The following ZBP1 variants were observed in gnomAD, a reference collection of about 807,000 sequenced individuals.
The protein encoded by ZBP1 is Z-DNA-binding protein 1.
A neutral mutation model predicts 41.1 loss-of-function variants in ZBP1; 42 were observed. The ratio of observed to expected loss-of-function variants is 1.02; its 90% CI spans 0.80 to 1.32. ZBP1 has a LOEUF of 1.32. ZBP1 is among the 40% of genes most tolerant of loss of function. ZBP1 has a pLI of 0.00. For synonymous variants in ZBP1, 214 were observed against 205.2 expected, an observed-to-expected ratio of 1.04 and a Z score of -0.37; for missense variants, 562 against 549.7, an observed-to-expected ratio of 1.02 and a Z score of -0.22.
At chr20:57,606,567 G>T (rs949109864) in intron 7 of ZBP1, among the ~76,000 whole-genome samples, 6 of 152,204 alleles carry the variant, frequency 3.9e-5, no homozygotes, top group Admixed American at 6.5e-5. Context: ...TTCATAACTC[G>T]AAAGGAGATG....
intron 5 of ZBP1, 115 bp from the exon 6 acceptor site, chr20:57,612,045 G>A (rs759479940): frequency 8.6e-5 from 100 of 1,163,648 alleles, no homozygotes; most frequent in South Asian, 7.6e-5. Flanking sequence ...TCGAACTGGC[G>A]GCCAAAGACT....
intron 2 of ZBP1, 163 bp from the exon 3 acceptor site, chr20:57,615,743 T>G: frequency 1.7e-6 from 1 of 593,924 alleles, no homozygotes; most frequent in Non-Finnish European, 2.9e-6. Flanking sequence ...GCCTGCGCCC[T>G]GGCAGCTGCG....
At position 57,613,253 on chromosome 20, in the gene ZBP1, G is replaced by A. The variant is rs956669713; in HGVS notation, c.580C>T (p.Pro194Ser). 3.1e-6 allele frequency: 5 copies of A among 1,614,140 alleles called. No individual in the cohort carries two copies. In the Admixed American group the frequency reaches 8.3e-5, roughly 27 times the overall value. ...TTTGCAATGGAAATCCAGCTGTTGG[G>A]TCCATTCTGGCAGATCATGTTGATT... Reference protein sequence around the residue: ...NPINMICQNGPNSWISIANSE... With the variant: ...NPINMICQNGSNSWISIANSE... Residue 194 changes from proline (P) to serine (S), a missense_variant, in exon 5 of 8, where the codon CCC becomes TCC. Transcript: ENST00000371173. The surrounding 1 kb of genome is among the most constrained non-coding windows in gnomAD (Gnocchi z 4.5).
chr20:57,610,471 G>A lies in ZBP1; in HGVS notation c.875-104C>T, dbSNP rs377135557. On this transcript the variant is annotated intron_variant, in intron 6 of 7. Coordinates refer to ENST00000371173, the MANE Select transcript of ZBP1 (RefSeq NM_030776.3). The surrounding 1 kb of genome is among the most constrained non-coding windows in gnomAD (Gnocchi z 5.5). The stretch of plus-strand genomic sequence containing the variant: ...ACCCTCCTCCCCAGATCTCCCACCA[G>A]TGGCCCACACCATCCCAGGAGCACA... 2 of 1,232,836 alleles carry A rather than the reference G, an allele frequency of 1.6e-6. No individual in the cohort carries two copies. Among genetic ancestry groups the A allele is most frequent in the African/African-American group, 1.5e-5 (1 of 67,140 alleles). The allele number at this position is 1,232,836 out of a possible 1,614,324, so 76.4% of individuals were successfully genotyped here. A position where few individuals can be genotyped will look rare whatever the true frequency, so the allele number is the denominator to read the frequency against.
chr20:57,619,962 G>A (rs945894823), intron 1 of ZBP1, among the ~76,000 whole-genome samples: 1 of 151,820 alleles, frequency 6.6e-6, no homozygotes, highest in African/African-American at 2.4e-5. Flanking sequence ...TCAGCATCCC[G>A]AGTAGCTGGG....
intron 4 of ZBP1, among the ~76,000 whole-genome samples, 176 bp downstream of exon 4, chr20:57,614,711 G>A (rs1230915586): frequency 6.6e-6 from 1 of 152,198 alleles, no homozygotes; most frequent in Non-Finnish European, 1.5e-5. Flanking sequence ...GCTGTCCCTG[G>A]TTAATCTTGC....
intron 7 of ZBP1, chr20:57,607,385 A>G: frequency 8.3e-7 from 1 of 1,209,300 alleles, no homozygotes; most frequent in Non-Finnish European, 1.1e-6. Flanking sequence ...TCTCATGAGA[A>G]AGCTTGAACA....
intron 5 of ZBP1, among the ~76,000 whole-genome samples, chr20:57,612,617 C>T (rs577250740): frequency 6.6e-6 from 1 of 152,310 alleles, no homozygotes; most frequent in East Asian, 1.9e-4. Context: ...GGCTCTGTCC[C>T]CTCTTGCCAC....
In ZBP1 at chr20:57,610,009, T is replaced by A. The variant is rs556956370; in HGVS notation, c.1093+140A>T. 1 of 938,278 alleles carries A rather than the reference T, an allele frequency of 1.1e-6. No individual in the cohort carries two copies. 58.1% of individuals were successfully genotyped at this position (938,278 alleles called of 1,614,324 possible). On this transcript the variant is annotated intron_variant, in intron 7 of 7. Transcript: ENST00000371173. This position sits in a 1 kb window ranked among gnomAD's most constrained non-coding sequence, Gnocchi z 5.5. ...TCCACGCTGACTCTAGAGCTGCTGCTCCTCGCTGTGGGTGGGCACAGCCTC... is the reference window on the plus strand; with the variant it reads ...TCCACGCTGACTCTAGAGCTGCTGCACCTCGCTGTGGGTGGGCACAGCCTC...
intron 7 of ZBP1, among the ~76,000 whole-genome samples, chr20:57,606,835 T>C (rs1365499145): frequency 6.6e-6 from 1 of 152,202 alleles, no homozygotes; most frequent in African/African-American, 2.4e-5. Flanking sequence ...AAAATATTCC[T>C]TTGAACATTT....
rs779506771 is a variant in ZBP1 at position 57,613,020 on chromosome 20, G to A, written c.670+143C>T. On this transcript the variant is annotated intron_variant, in intron 5 of 7. Coordinates refer to ENST00000371173, the MANE Select transcript of ZBP1 (RefSeq NM_030776.3). The surrounding 1 kb of genome is among the most constrained non-coding windows in gnomAD (Gnocchi z 4.5). ...CCTCATTCTCAGGACGGCCGTAAAGGTGGACTGTGGGGGTCTGGAAGCAAC... is the reference window on the plus strand; with the variant it reads ...CCTCATTCTCAGGACGGCCGTAAAGATGGACTGTGGGGGTCTGGAAGCAAC... The A allele has an allele frequency of 2.7e-6, 4 of 1,500,688 alleles. No homozygotes were observed. Among genetic ancestry groups the A allele is most frequent in the Non-Finnish European group, 3.6e-6 (4 of 1,125,490 alleles). 93.0% of individuals were successfully genotyped at this position (1,500,688 alleles called of 1,614,324 possible). A position where few individuals can be genotyped will look rare whatever the true frequency, so the allele number is the denominator to read the frequency against.
Position 57,613,121 on chromosome 20 carries a change from C to T in ZBP1, c.670+42G>A, listed in dbSNP as rs1339152210. 25 of 1,612,734 alleles carry T rather than the reference C, an allele frequency of 1.6e-5. No homozygotes were observed. The highest frequency in any genetic ancestry group is 3.3e-5 in the Admixed American group (2 of 59,832). ...CCCCCACCCAGAGGATCCGGTGGCT[C>T]CCCACCGAGGTCCCCTCCCTGGGCT... is the stretch of plus-strand genomic sequence containing the variant. On this transcript the variant is annotated intron_variant, in intron 5 of 7. Transcript: ENST00000371173. This position sits in a 1 kb window ranked among gnomAD's most constrained non-coding sequence, Gnocchi z 4.5.
chr20:57,613,670 C>A lies in ZBP1; in HGVS notation c.503-340G>T, dbSNP rs1365583114. 6.6e-6 allele frequency among the ~76,000 whole-genome samples: 1 copy of A among 152,370 alleles called. No homozygotes were observed. Among genetic ancestry groups the A allele is most frequent in the East Asian group, 1.9e-4 (1 of 5,184 alleles). On this transcript the variant is annotated intron_variant, in intron 4 of 7. Transcript: ENST00000371173. This position sits in a 1 kb window ranked among gnomAD's most constrained non-coding sequence, Gnocchi z 4.5. ...CAGCCCGGACCCCCGAGCACCTGCA[C>A]CATTGCCCTTTTCCCTTGAGTAATG...
At chr20:57,605,274 C>T (rs1052197752) in intron 7 of ZBP1, among the ~76,000 whole-genome samples, 1 of 152,182 alleles carries the variant, frequency 6.6e-6, no homozygotes, top group African/African-American at 2.4e-5. Flanking sequence ...AGATATTGCA[C>T]TCATTTTTCA....
intron 1 of ZBP1, chr20:57,617,614 C>G (rs1271605840): frequency 1.3e-5 from 2 of 152,274 alleles, no homozygotes; most frequent in African/African-American, 2.4e-5. Context: ...CCTAGCACAT[C>G]AGAAGGCTGA....
chr20:57,619,836 ATTTTTTT>A (rs940213839), intron 1 of ZBP1, among the ~76,000 whole-genome samples: 2 of 134,236 alleles, frequency 1.5e-5, no homozygotes, highest in Non-Finnish European at 3.3e-5. Context: ...GTCCCTTTCT[ATTTTTTT>A]TTTTTTTTTC....
Position 57,615,015 on chromosome 20 carries a change from G to GC in ZBP1, c.373dup (p.Ala125GlyfsTer33). 6.2e-7 allele frequency: 1 copy of GC among 1,614,206 alleles called. No individual in the cohort carries two copies. Among genetic ancestry groups the GC allele is most frequent in the Non-Finnish European group, 8.5e-7 (1 of 1,180,042 alleles). ...TCCCAGTGCTTGGGCGATGACCAGG[G>GC]CCCTCTGGGGACCATTGTCTTTGAG... On this transcript the variant is annotated frameshift_variant, in exon 4 of 8. Transcript: ENST00000371173. LOFTEE classifies it high-confidence loss of function.
rs1346909627 is a variant in ZBP1, at chr20:57,608,424, G to A, written c.1093+1725C>T. Among the ~76,000 whole-genome samples, 4 of 151,156 alleles carry A rather than the reference G, an allele frequency of 2.6e-5. No individual in the cohort carries two copies. In the South Asian group the frequency reaches 8.3e-4, roughly 32 times the overall value. On this transcript the variant is annotated intron_variant, in intron 7 of 7. Coordinates refer to ENST00000371173, the MANE Select transcript of ZBP1 (RefSeq NM_030776.3). ...GGCATGAGCCACTACACCCAGAAGTGTGGCTATTTTTAAAAAACACAGTGC... is the reference window on the plus strand; with the variant it reads ...GGCATGAGCCACTACACCCAGAAGTATGGCTATTTTTAAAAAACACAGTGC...
In ZBP1 at chr20:57,611,769, G is replaced by A; in HGVS notation, c.832C>T (p.Pro278Ser). ...HSNEMRLHGV[P>S]SEGPAHIPPG... ...GGGATGTGGGCAGGGCCCTCGGACG[G>A]GACGCCGTGGAGCCTCATCTCATTG... Residue 278 changes from proline to serine, a missense_variant, in exon 6 of 8, where the codon CCG becomes TCG. Pro to Ser is a moderately conservative substitution (Grantham distance 74). Coordinates refer to ENST00000371173, the MANE Select transcript of ZBP1 (RefSeq NM_030776.3). 6.2e-7 allele frequency: 1 copy of A among 1,612,484 alleles called. No individual in the cohort carries two copies. Among genetic ancestry groups the A allele is most frequent in the Non-Finnish European group, 8.5e-7 (1 of 1,179,614 alleles).
Sources: allele counts gnomAD v4.1 joint callset (sites outside exome capture counted in the v4.1 genomes callset), GRCh38; gene constraint gnomAD v4.1.1; non-coding constraint Gnocchi (gnomAD v3.1); transcripts MANE v1.5; gene names NCBI Gene and HGNC (gene_info 2026-07-23, HGNC 2026-07-21).